GPC3: variants seen among roughly 807,000 people sequenced by gnomAD.
GPC3 encodes the protein glypican 3.
A neutral mutation model predicts 34.4 loss-of-function variants in GPC3; 3 were observed. The ratio of observed to expected loss-of-function variants is 0.09; its 90% confidence interval spans 0.04 to 0.23. GPC3 has a LOEUF of 0.23. GPC3 is among the 10% of genes least tolerant of loss of function. The probability of loss-of-function intolerance (pLI) is 1.00; values close to 1 mark genes in which losing one functional copy is unlikely to be tolerated. For missense variants in GPC3, 351 were observed against 445.6 expected, an observed-to-expected ratio of 0.79 and a Z score of 1.91; for synonymous variants, 177 against 174.0, an observed-to-expected ratio of 1.02 and a Z score of -0.13.
chrX:133,881,654 GT>G (rs2076042119), intron 2 of GPC3, among the ~76,000 whole-genome samples: 1 of 112,038 alleles, frequency 8.9e-6, no homozygotes, highest in African/African-American at 3.2e-5. Context: ...TTGTCACTCT[GT>G]TACCTGAATT....
intron 6 of GPC3, among the ~76,000 whole-genome samples, chrX:133,613,616 GT>G (rs931182015): frequency 1.8e-5 from 2 of 112,064 alleles, no homozygotes; most frequent in Admixed American, 1.9e-4. Context: ...TAAGAGAGTG[GT>G]TTTTGTAAAT....
At chrX:133,537,155 A>C (rs2069300800) in intron 7 of GPC3, among the ~76,000 whole-genome samples, 1 of 112,213 alleles carries the variant, frequency 8.9e-6, no homozygotes, top group Non-Finnish European at 1.9e-5. Flanking sequence ...CAGGAAATTC[A>C]AGATGGCTGA....
At chrX:133,627,619 C>G (rs1394388982) in intron 6 of GPC3, among the ~76,000 whole-genome samples, 1 of 112,373 alleles carries the variant, frequency 8.9e-6, no homozygotes, top group Non-Finnish European at 1.9e-5. Context: ...GGCTTTCTAT[C>G]TGATAAGTAC....
intron 4 of GPC3, among the ~76,000 whole-genome samples, chrX:133,696,120 G>A (rs1178715910): frequency 8.9e-6 from 1 of 112,217 alleles, no homozygotes; most frequent in African/African-American, 3.2e-5. Flanking sequence ...AGTCCCAAAG[G>A]ACAGTGTTAC....
intron 6 of GPC3, among the ~76,000 whole-genome samples, chrX:133,625,655 T>C (rs1210328811): frequency 9.0e-6 from 1 of 111,114 alleles, no homozygotes; most frequent in Admixed American, 9.6e-5. Flanking sequence ...CACTGCTCAA[T>C]GAAATAAGAG....
At chrX:133,703,210 AC>A (rs1422663231) in intron 3 of GPC3, among the ~76,000 whole-genome samples, 1 of 111,768 alleles carries the variant, frequency 8.9e-6, no homozygotes, top group African/African-American at 3.3e-5. Flanking sequence ...CCTTTCGCTG[AC>A]TAATGTATCT....
intron 5 of GPC3, among the ~76,000 whole-genome samples, chrX:133,668,284 G>A (rs946209256): frequency 1.8e-5 from 2 of 111,709 alleles, no homozygotes; most frequent in African/African-American, 3.3e-5. Context: ...ATGTGAACAT[G>A]AATGTAAATT....
chrX:133,645,622 G>C (rs900791492), intron 6 of GPC3, among the ~76,000 whole-genome samples: 11 of 111,360 alleles, frequency 9.9e-5, no homozygotes, highest in African/African-American at 3.6e-4. Context: ...ATCTAGAAGG[G>C]AGCACATAGC....
intron 5 of GPC3, among the ~76,000 whole-genome samples, chrX:133,682,595 T>A (rs1183346297): frequency 8.9e-6 from 1 of 111,830 alleles, no homozygotes; most frequent in African/African-American, 3.3e-5. Context: ...ATTACTCCCA[T>A]CTTATAAATA....
intron 6 of GPC3, among the ~76,000 whole-genome samples, chrX:133,625,028 T>A (rs2070284127): frequency 8.9e-6 from 1 of 111,964 alleles, no homozygotes; most frequent in African/African-American, 3.3e-5. Flanking sequence ...AATCAATAAA[T>A]GTAATCCATC....
At chrX:133,540,365 C>T (rs2069330190) in intron 7 of GPC3, among the ~76,000 whole-genome samples, 1 of 112,984 alleles carries the variant, frequency 8.9e-6, no homozygotes, top group Admixed American at 9.3e-5. Flanking sequence ...TGTAACACTA[C>T]TCAGCCATAA....
At chrX:133,957,344 A>C (rs2076420945) in intron 1 of GPC3, among the ~76,000 whole-genome samples, 1 of 112,803 alleles carries the variant, frequency 8.9e-6, no homozygotes, top group South Asian at 3.6e-4. Flanking sequence ...AATTTCAGTA[A>C]ATTTCACAGA....
intron 2 of GPC3, among the ~76,000 whole-genome samples, chrX:133,940,037 A>G (rs2076338732): frequency 9.0e-6 from 1 of 111,144 alleles, no homozygotes; most frequent in Non-Finnish European, 1.9e-5. Context: ...GCCCCTTTAG[A>G]TGTCAGGCTG....
intron 3 of GPC3, chrX:133,704,218 C>T: frequency 9.1e-7 from 1 of 1,100,336 alleles, no homozygotes; most frequent in Non-Finnish European, 1.2e-6. Flanking sequence ...TAAGTCTAGC[C>T]CTATACACAG....
intron 6 of GPC3, among the ~76,000 whole-genome samples, chrX:133,640,871 C>T (rs2070473327): frequency 9.0e-6 from 1 of 111,706 alleles, no homozygotes; most frequent in African/African-American, 3.3e-5. Flanking sequence ...GTTATTCATC[C>T]CCTTTTCTGA....
At chrX:133,544,086 C>T (rs1261701097) in intron 7 of GPC3, among the ~76,000 whole-genome samples, 1 of 111,599 alleles carries the variant, frequency 9.0e-6, no homozygotes, top group Non-Finnish European at 1.9e-5. Context: ...GAAAAGTTAG[C>T]TGGGCATGGT....
intron 2 of GPC3, among the ~76,000 whole-genome samples, chrX:133,765,812 T>C (rs769783635): frequency 2.5e-4 from 28 of 112,057 alleles, no homozygotes; most frequent in African/African-American, 9.1e-4. Flanking sequence ...CAGACTCCTC[T>C]TACCCGTTGT....
intron 2 of GPC3, among the ~76,000 whole-genome samples, chrX:133,812,177 C>T (rs2075669162): frequency 9.0e-6 from 1 of 111,701 alleles, no homozygotes; most frequent in Non-Finnish European, 1.9e-5. Flanking sequence ...ATTTTTCAAG[C>T]TGGAGACTGA....
intron 6 of GPC3, among the ~76,000 whole-genome samples, chrX:133,603,257 C>T (rs1311075601): frequency 9.1e-6 from 1 of 110,018 alleles, no homozygotes; most frequent in Non-Finnish European, 1.9e-5. Flanking sequence ...GAGCCGGGGT[C>T]TCACTATGTT....
Sources: allele counts gnomAD v4.1 joint callset (sites outside exome capture counted in the v4.1 genomes callset), GRCh38; gene constraint gnomAD v4.1.1; transcripts MANE v1.5; gene names NCBI Gene and HGNC (gene_info 2026-07-23, HGNC 2026-07-21).